Variants in NELL1 observed in about 807,000 individuals in gnomAD.
NELL1 encodes neural EGFL like 1, also known as protein kinase C-binding protein NELL1.
NELL1 carries 76 observed loss-of-function variants against 107.4 expected under a neutral mutation model. The observed-to-expected ratio is 0.71, with a 90% CI of 0.59 to 0.86. The LOEUF (loss-of-function observed/expected upper bound fraction) is 0.86, where lower values mean the gene tolerates loss of function less well. NELL1 is among the 40% of genes least tolerant of loss of function. NELL1 has a pLI of 0.00. For missense variants in NELL1, 1,024 were observed against 1,005.5 expected, an observed-to-expected ratio of 1.02 and a Z score of -0.25; for synonymous variants, 353 against 341.2, an observed-to-expected ratio of 1.03 and a Z score of -0.38.
At chr11:21,022,614 A>T (rs1852726999) in intron 12 of NELL1, among the ~76,000 whole-genome samples, 1 of 152,140 alleles carries the variant, frequency 6.6e-6, no homozygotes. Flanking sequence ...GATGGCAAGA[A>T]CTTGGAAGAG....
chr11:20,800,083 T>A (rs531938072), intron 3 of NELL1, among the ~76,000 whole-genome samples: 45 of 152,316 alleles, frequency 3.0e-4, no homozygotes, highest in African/African-American at 1.1e-3. Context: ...GTATACGTAC[T>A]AGATTTTCTT....
intron 14 of NELL1, among the ~76,000 whole-genome samples, chr11:21,317,148 C>T (rs2133658312): frequency 6.6e-6 from 1 of 152,094 alleles, no homozygotes; most frequent in Admixed American, 6.5e-5. Context: ...GAGACTAGAG[C>T]AAGAATTTAT....
intron 18 of NELL1, among the ~76,000 whole-genome samples, chr11:21,571,584 A>C (rs902305879): frequency 6.6e-6 from 1 of 151,884 alleles, no homozygotes; most frequent in South Asian, 2.1e-4. Context: ...TATTGTTAAT[A>C]CTTCCTACCT....
chr11:20,679,047 G>C (rs555130794), intron 2 of NELL1, among the ~76,000 whole-genome samples: 1 of 152,220 alleles, frequency 6.6e-6, no homozygotes, highest in Non-Finnish European at 1.5e-5. Context: ...CGGAAGGGTG[G>C]TGAATGTCTA....
At chr11:21,366,908 A>G (rs1403814625) in intron 14 of NELL1, among the ~76,000 whole-genome samples, 1 of 152,114 alleles carries the variant, frequency 6.6e-6, no homozygotes, top group Admixed American at 6.6e-5. Flanking sequence ...GTGAAGGGCT[A>G]TTACTTTTTA....
intron 14 of NELL1, among the ~76,000 whole-genome samples, chr11:21,255,610 G>C (rs1443957827): frequency 6.6e-6 from 1 of 152,080 alleles, no homozygotes; most frequent in East Asian, 1.9e-4. Flanking sequence ...CATTTCTACA[G>C]TAATCAGCCT....
chr11:21,313,471 C>T (rs1205445115), intron 14 of NELL1, among the ~76,000 whole-genome samples: 1 of 152,166 alleles, frequency 6.6e-6, no homozygotes, highest in East Asian at 1.9e-4. Flanking sequence ...GTTACAGTGA[C>T]TGAGGCACAA....
At chr11:21,084,514 A>G (rs1465511224) in intron 12 of NELL1, among the ~76,000 whole-genome samples, 1 of 152,184 alleles carries the variant, frequency 6.6e-6, no homozygotes, top group Non-Finnish European at 1.5e-5. Context: ...CTCTGGGCTC[A>G]GTAGGTCAGA....
chr11:20,845,147 A>G (rs957836735), intron 3 of NELL1, among the ~76,000 whole-genome samples: 2 of 152,232 alleles, frequency 1.3e-5, no homozygotes, highest in Admixed American at 6.5e-5. Flanking sequence ...TCCAAGTTGC[A>G]TGAGATGCAG....
intron 3 of NELL1, among the ~76,000 whole-genome samples, chr11:20,806,641 C>T (rs1857390540): frequency 6.6e-6 from 1 of 152,128 alleles, no homozygotes. Flanking sequence ...CTACCTTTCT[C>T]TTTACCTCCC....
At chr11:20,817,685 G>T (rs544089696) in intron 3 of NELL1, among the ~76,000 whole-genome samples, 39 of 149,998 alleles carry the variant, frequency 2.6e-4, no homozygotes, top group Admixed American at 1.5e-3. Flanking sequence ...CTTGCTTTGG[G>T]GTTAGTTTGT....
At chr11:20,801,341 A>G (rs561779197) in intron 3 of NELL1, among the ~76,000 whole-genome samples, 1 of 152,332 alleles carries the variant, frequency 6.6e-6, no homozygotes, top group East Asian at 1.9e-4. Context: ...TTATACAGAT[A>G]CAAAATGGCA....
intron 15 of NELL1, among the ~76,000 whole-genome samples, chr11:21,519,285 C>T (rs1329578690): frequency 6.6e-6 from 1 of 152,186 alleles, no homozygotes; most frequent in African/African-American, 2.4e-5. Context: ...ATATGTGGTT[C>T]TCAAAGTAGA....
rs910704486 is a variant in NELL1, at chr11:21,500,132, T to A, written c.1646-34242T>A. 4.6e-5 allele frequency among the ~76,000 whole-genome samples: 7 copies of A among 152,272 alleles called. No individual in the cohort carries two copies. The East Asian group carries it at 1.3e-3, about 29-fold the overall frequency. On this transcript the variant is annotated intron_variant, in intron 15 of 19. Transcript: ENST00000357134. ...AAAAATATTAAGTGAATCAATTTTT[T>A]AAAAAACTACCATGTCAGCATGACA... is the stretch of plus-strand genomic sequence containing the variant.
At chr11:21,208,282 A>C (rs182250628) in intron 13 of NELL1, among the ~76,000 whole-genome samples, 49 of 152,044 alleles carry the variant, frequency 3.2e-4, no homozygotes, top group Non-Finnish European at 5.6e-4. Context: ...AAACATTCAA[A>C]AGTGCAAAAT....
At position 21,575,233 on chromosome 11, in the gene NELL1, G is replaced by A. The variant is rs1192323619; in HGVS notation, c.*211G>A. The A allele has an allele frequency of 1.1e-5, 6 of 532,954 alleles. No individual in the cohort carries two copies. Among genetic ancestry groups the A allele is most frequent in the African/African-American group, 9.5e-5 (5 of 52,554 alleles). 33.0% of individuals were successfully genotyped at this position (532,954 alleles called of 1,614,324 possible). A position where few individuals can be genotyped will look rare whatever the true frequency, so the allele number is the denominator to read the frequency against. Reference sequence around the variant, plus strand: ...GCTAACCTAGTCTAGGTGACCTACAGTGCCGTGCATTTAAGTCAATGGTTG... The same window carrying A: ...GCTAACCTAGTCTAGGTGACCTACAATGCCGTGCATTTAAGTCAATGGTTG... On this transcript the variant is annotated 3_prime_UTR_variant, in exon 20 of 20. Transcript: ENST00000357134.
chr11:21,019,103 A>T (rs74578568), intron 12 of NELL1, among the ~76,000 whole-genome samples: 1,704 of 152,236 alleles, frequency 0.011, 24 homozygotes, highest in African/African-American at 0.039. Flanking sequence ...TAGCTCTAAC[A>T]TGAACTAGCT....
intron 11 of NELL1, among the ~76,000 whole-genome samples, chr11:20,952,168 T>A (rs1851082221): frequency 6.6e-6 from 1 of 152,186 alleles, no homozygotes; most frequent in South Asian, 2.1e-4. Flanking sequence ...CAGGGTTTTA[T>A]TCCCCTGGTA....
chr11:20,703,612 A>G (rs1220089342), intron 2 of NELL1, among the ~76,000 whole-genome samples: 4 of 152,028 alleles, frequency 2.6e-5, no homozygotes, highest in Non-Finnish European at 5.9e-5. Context: ...TCAATTTTAG[A>G]TCTTTCCTGC....
Sources: allele counts gnomAD v4.1 joint callset (sites outside exome capture counted in the v4.1 genomes callset), GRCh38; gene constraint gnomAD v4.1.1; transcripts MANE v1.5; gene names NCBI Gene and HGNC (gene_info 2026-07-23, HGNC 2026-07-21).